CHST8: variants seen among roughly 807,000 people sequenced by gnomAD.
CHST8 encodes the protein GALNAC-4-ST1.
Under a neutral mutation model 15.0 loss-of-function variants are expected in CHST8, and 10 were observed. The observed-to-expected ratio is 0.67, with a 90% CI of 0.41 to 1.13. CHST8 has a LOEUF of 1.13. CHST8 is among the 50% of genes most tolerant of loss of function. The pLI is 0.00. For synonymous variants in CHST8, 259 were observed against 256.6 expected, an observed-to-expected ratio of 1.01 and a Z score of -0.09; for missense variants, 634 against 608.2, an observed-to-expected ratio of 1.04 and a Z score of -0.45.
intron 3 of CHST8, among the ~76,000 whole-genome samples, chr19:33,695,821 CTTTTTTTTTT>C (rs55695414): frequency 3.9e-5 from 3 of 76,232 alleles, no homozygotes; most frequent in Admixed American, 2.6e-4. Context: ...TTCTTTCTTT[CTTTTTTTTTT>C]TTTTTTTTTT....
chr19:33,688,959 T>C (rs527862015), intron 2 of CHST8, among the ~76,000 whole-genome samples: 1 of 152,180 alleles, frequency 6.6e-6, no homozygotes, highest in African/African-American at 2.4e-5. Context: ...GAGGTGCAGA[T>C]ACAGGAGACC....
chr19:33,658,500 G>T (rs1972542057), intron 1 of CHST8, among the ~76,000 whole-genome samples: 1 of 152,056 alleles, frequency 6.6e-6, no homozygotes, highest in Non-Finnish European at 1.5e-5. Flanking sequence ...TCTTAGTTTT[G>T]GATGTCTGAA....
chr19:33,723,427 T>C (rs1266688591), intron 3 of CHST8, among the ~76,000 whole-genome samples: 1 of 152,230 alleles, frequency 6.6e-6, no homozygotes, highest in Non-Finnish European at 1.5e-5. Context: ...TTGCTGTATA[T>C]GCCAACATCT....
At position 33,714,802 on chromosome 19, in the gene CHST8, G is replaced by T. The variant is rs147350935; in HGVS notation, c.130+25411G>T. The stretch of plus-strand genomic sequence containing the variant: ...ACACAGTCTCTCTCTTCTCTTGTTT[G>T]CTGCCATGTGAGACATGCCTGTCAT... On this transcript the variant is annotated intron_variant, in intron 3 of 4. Coordinates refer to ENST00000650847, the MANE Select transcript of CHST8 (RefSeq NM_001127895.2). Among the ~76,000 whole-genome samples the T allele has an allele frequency of 8.5e-3, 1,296 of 152,296 alleles. 14 individuals carry two copies. The highest frequency in any genetic ancestry group is 0.03 in the African/African-American group (1,232 of 41,542).
At chr19:33,762,797 C>G (rs285690) in intron 3 of CHST8, among the ~76,000 whole-genome samples, 55,383 of 151,858 alleles carry the variant, frequency 0.36, 11,915 homozygotes, top group African/African-American at 0.6. Context: ...CAATGAAACA[C>G]GTTCAGCAAG....
intron 4 of CHST8, 80 bp from the exon 5 acceptor site, chr19:33,771,877 G>A (rs963599394): frequency 2.0e-6 from 3 of 1,470,346 alleles, no homozygotes; most frequent in African/African-American, 1.4e-5. Context: ...AACCCCAGCC[G>A]TGGTGAGAGC....
chr19:33,692,341 A>G (rs78667323), intron 3 of CHST8, among the ~76,000 whole-genome samples: 2,336 of 152,306 alleles, frequency 0.015, 28 homozygotes, highest in Non-Finnish European at 0.026. Context: ...TTTTTGACCC[A>G]GTAGACAAGA....
At chr19:33,736,900 A>C (rs1302349393) in intron 3 of CHST8, among the ~76,000 whole-genome samples, 1 of 152,198 alleles carries the variant, frequency 6.6e-6, no homozygotes, top group East Asian at 1.9e-4. Flanking sequence ...AACAGGATGC[A>C]GTAGAGAAGC....
chr19:33,705,377 C>G (rs1198024724), intron 3 of CHST8, among the ~76,000 whole-genome samples: 1 of 152,118 alleles, frequency 6.6e-6, no homozygotes, highest in Admixed American at 6.5e-5. Flanking sequence ...AGGCAGGGGA[C>G]CTGAGGGGTC....
chr19:33,648,251 C>T (rs563107942), intron 1 of CHST8, among the ~76,000 whole-genome samples: 10 of 152,134 alleles, frequency 6.6e-5, no homozygotes, highest in Non-Finnish European at 1.3e-4. Flanking sequence ...TAATCACATA[C>T]CTCACCATTC....
chr19:33,771,851 A>T, intron 4 of CHST8, 106 bp from the exon 5 acceptor site: 1 of 1,331,392 alleles, frequency 7.5e-7, no homozygotes, highest in Non-Finnish European at 1.0e-6. Flanking sequence ...TGTCTCCCTC[A>T]CCTGAGAGGG....
At chr19:33,692,160 T>C (rs77647303) in intron 3 of CHST8, among the ~76,000 whole-genome samples, 12 of 151,132 alleles carry the variant, frequency 7.9e-5, no homozygotes, top group African/African-American at 2.9e-4. Context: ...ATTTTTTTTT[T>C]ACTACAGTCC....
intron 3 of CHST8, among the ~76,000 whole-genome samples, chr19:33,754,969 CCTT>C (rs1405601016): frequency 2.0e-5 from 3 of 152,204 alleles, no homozygotes; most frequent in South Asian, 2.1e-4. Context: ...GCCTGATCCT[CCTT>C]CTTCCGAGCA....
At chr19:33,733,489 C>A (rs1974030671) in intron 3 of CHST8, among the ~76,000 whole-genome samples, 2 of 152,200 alleles carry the variant, frequency 1.3e-5, no homozygotes, top group African/African-American at 4.8e-5. Context: ...CCCGCCTTGG[C>A]CTCCCAAAGT....
intron 3 of CHST8, among the ~76,000 whole-genome samples, chr19:33,723,550 G>A (rs570459059): frequency 3.3e-4 from 51 of 152,324 alleles, no homozygotes; most frequent in African/African-American, 1.2e-3. Flanking sequence ...GCCTAGAAGA[G>A]AGGAGTGGTG....
At chr19:33,746,765 G>A (rs766662190) in intron 3 of CHST8, among the ~76,000 whole-genome samples, 6 of 152,076 alleles carry the variant, frequency 3.9e-5, no homozygotes, top group African/African-American at 1.4e-4. Context: ...CCATTCCAGC[G>A]TCACCTAACA....
intron 3 of CHST8, among the ~76,000 whole-genome samples, chr19:33,723,424 A>G (rs770891037): frequency 7.9e-5 from 12 of 152,206 alleles, no homozygotes; most frequent in Non-Finnish European, 1.6e-4. Flanking sequence ...GTGTTGCTGT[A>G]TATGCCAACA....
At chr19:33,693,612 C>A (rs1158659456) in intron 3 of CHST8, among the ~76,000 whole-genome samples, 2 of 152,308 alleles carry the variant, frequency 1.3e-5, no homozygotes, top group Admixed American at 6.5e-5. Context: ...GAAACCAGGT[C>A]ACGGTTCCTA....
At chr19:33,700,224 C>T (rs1483942334) in intron 3 of CHST8, among the ~76,000 whole-genome samples, 1 of 152,186 alleles carries the variant, frequency 6.6e-6, no homozygotes, top group Non-Finnish European at 1.5e-5. Context: ...CATTGCGGAA[C>T]ATCATATATA....
Sources: allele counts gnomAD v4.1 joint callset (sites outside exome capture counted in the v4.1 genomes callset), GRCh38; gene constraint gnomAD v4.1.1; transcripts MANE v1.5; gene names NCBI Gene and HGNC (gene_info 2026-07-23, HGNC 2026-07-21).